CCDC33: variants seen among roughly 807,000 people sequenced by gnomAD.
The protein encoded by CCDC33 is coiled-coil domain-containing protein 33.
A neutral mutation model predicts 91.9 loss-of-function variants in CCDC33; 94 were observed. That is an observed-to-expected ratio of 1.02 (90% confidence interval 0.87 to 1.21). The LOEUF is 1.21. CCDC33 is among the 50% of genes most tolerant of loss of function. The probability of loss-of-function intolerance (pLI) is 0.00; values close to 1 mark genes in which losing one functional copy is unlikely to be tolerated. For missense variants in CCDC33, 940 were observed against 935.5 expected (o/e 1.00, Z -0.06); for synonymous variants, 396 against 374.5 (o/e 1.06, Z -0.66).
Position 74,335,059 on chromosome 15 carries a change from C to T in CCDC33, c.2110C>T (p.Pro704Ser). The T allele has an allele frequency of 6.2e-7, 1 of 1,614,008 alleles. No homozygotes were observed. Among genetic ancestry groups the T allele is most frequent in the Non-Finnish European group, 8.5e-7 (1 of 1,179,940 alleles). The change falls in exon 18 of 19, where the codon CCC becomes TCC. Residue 704 changes from proline to serine, a missense_variant. Physicochemically the swap from Pro to Ser is moderately conservative, Grantham distance 74 (BLOSUM62 -1). Transcript: ENST00000398814. The part of the protein sequence containing the change: ...LQEQEKGFRH[P>S]SNSIIIEQPS... The stretch of plus-strand genomic sequence containing the variant: ...GGAGCAAGAAAAAGGTTTCAGGCAC[C>T]CCTCGAACTCCATCATCATAGAACA...
intron 11 of CCDC33, chr15:74,301,449 G>C (rs1292501437): frequency 6.6e-6 from 1 of 152,322 alleles, no homozygotes; most frequent in Non-Finnish European, 1.5e-5. Flanking sequence ...TCAGCTCTGA[G>C]AATTCCCCAG....
At chr15:74,310,655 C>A (rs1406157650) in intron 11 of CCDC33, among the ~76,000 whole-genome samples, 1 of 152,192 alleles carries the variant, frequency 6.6e-6, no homozygotes, top group Non-Finnish European at 1.5e-5. Flanking sequence ...AGAGTGCTGC[C>A]CCCAGGAAGC....
chr15:74,208,659 G>T, intron 1 of CCDC33: 1 of 961,120 alleles, frequency 1.0e-6, no homozygotes, highest in Non-Finnish European at 1.2e-6. Flanking sequence ...CATCAGAATT[G>T]CTCCAGCCCA....
In CCDC33 at chr15:74,284,842, G is replaced by T. The variant is rs557901186; in HGVS notation, c.1095+2993G>T. On this transcript the variant is annotated intron_variant, in intron 10 of 18. Transcript: ENST00000398814. ...TATTGTTGCGCCTAAGGTGTTGCCT[G>T]CAACTTCATCATGGAAGGTACCTGG... Among the ~76,000 whole-genome samples, 3 of 152,360 alleles carry T rather than the reference G, an allele frequency of 2.0e-5. No individual in the cohort carries two copies. The South Asian group carries it at 6.2e-4, about 32-fold the overall frequency.
At chr15:74,330,487 C>A in intron 12 of CCDC33, 133 bp downstream of exon 12, 1 of 1,159,260 alleles carries the variant, frequency 8.6e-7, no homozygotes, top group Non-Finnish European at 1.2e-6. Context: ...AGCCCCTCGC[C>A]CACAGACACT....
At chr15:74,252,828 G>GC (rs1205668355) in intron 2 of CCDC33, among the ~76,000 whole-genome samples, 2 of 152,088 alleles carry the variant, frequency 1.3e-5, no homozygotes, top group Non-Finnish European at 2.9e-5. Context: ...ACCCACACCT[G>GC]CCCCCCATGA....
At chr15:74,307,907 A>T (rs1218992640) in intron 11 of CCDC33, among the ~76,000 whole-genome samples, 1 of 67,790 alleles carries the variant, frequency 1.5e-5, no homozygotes, top group Non-Finnish European at 3.4e-5. Flanking sequence ...AACCCCACCC[A>T]TCCCCTTTTC....
chr15:74,263,465 G>A (rs188380244), intron 3 of CCDC33, among the ~76,000 whole-genome samples: 1 of 152,314 alleles, frequency 6.6e-6, no homozygotes, highest in Non-Finnish European at 1.5e-5. Context: ...CTCACACAGA[G>A]CAGAAAGCCA....
rs767532552 is a variant in CCDC33 at position 74,271,769 on chromosome 15, G to T, written c.613G>T (p.Val205Phe). The T allele has an allele frequency of 1.9e-6, 3 of 1,613,938 alleles. No individual in the cohort carries two copies. The highest frequency in any genetic ancestry group is 2.2e-5 in the East Asian group (1 of 44,860). The change falls in exon 6 of 19, where the codon GTC (valine) becomes TTC (phenylalanine). Residue 205 changes from valine to phenylalanine, a missense_variant. Coordinates refer to ENST00000398814, the MANE Select transcript of CCDC33 (RefSeq NM_025055.5). ...NPNPIVVIAR[V>F]VPNYKEFKVS... ...CAACCCCATAGTGGTGATTGCCCGG[G>T]TCGTTCCCAACTACAAGGAATTTAA...
At chr15:74,234,753 G>T (rs1050867004), upstream of CCDC33, among the ~76,000 whole-genome samples, 1 of 152,238 alleles carries the variant, frequency 6.6e-6, no homozygotes, top group Admixed American at 6.5e-5. Context: ...AGAGCCCCGA[G>T]CCCCGGGGAC....
intron 10 of CCDC33, among the ~76,000 whole-genome samples, chr15:74,283,801 C>CACACACACACAA (rs1383184929): frequency 1.3e-5 from 2 of 151,938 alleles, no homozygotes; most frequent in Non-Finnish European, 1.5e-5. Context: ...AATTCACACA[C>CACACACACACAA]ACACACACAC....
At chr15:74,291,456 A>G (rs1264835591) in intron 10 of CCDC33, among the ~76,000 whole-genome samples, 1 of 152,250 alleles carries the variant, frequency 6.6e-6, no homozygotes, top group African/African-American at 2.4e-5. Context: ...ATACCTAATG[A>G]GCGGGATACA....
At chr15:74,333,014 C>T (rs1438594309) in intron 16 of CCDC33, 169 bp downstream of exon 16, 13 of 807,164 alleles carry the variant, frequency 1.6e-5, no homozygotes, top group Middle Eastern at 3.7e-4. Context: ...TTTTCTCCTG[C>T]GGAATGTGTG....
intron 16 of CCDC33, chr15:74,333,293 T>G (rs2060481814): frequency 6.3e-7 from 1 of 1,597,602 alleles, no homozygotes; most frequent in African/African-American, 1.3e-5. Flanking sequence ...CCCAGGCCAC[T>G]CAGAGTGCAC....
intron 7 of CCDC33, 107 bp from the exon 8 acceptor site, chr15:74,279,856 G>A (rs1398812354): frequency 2.9e-5 from 42 of 1,463,988 alleles, no homozygotes; most frequent in Non-Finnish European, 3.5e-5. Context: ...TTATAGTTGG[G>A]AGAAACATTT....
chr15:74,317,006 A>T (rs1371251304), intron 11 of CCDC33, among the ~76,000 whole-genome samples: 1 of 152,122 alleles, frequency 6.6e-6, no homozygotes. Context: ...GAGTATGGGG[A>T]TTGTCTTGTG....
At chr15:74,255,764 C>T (rs755208265) in intron 2 of CCDC33, among the ~76,000 whole-genome samples, 1 of 152,242 alleles carries the variant, frequency 6.6e-6, no homozygotes, top group Non-Finnish European at 1.5e-5. Context: ...AGCCCAGTTC[C>T]CCCACTTTCC....
intron 18 of CCDC33, chr15:74,335,297 C>T (rs916443201): frequency 4.8e-6 from 3 of 625,180 alleles, no homozygotes; most frequent in African/African-American, 3.7e-5. Flanking sequence ...ACAGAAAACC[C>T]CTGCCAAAAC....
chr15:74,260,872 A>G (rs2076005419), intron 2 of CCDC33, among the ~76,000 whole-genome samples: 1 of 152,242 alleles, frequency 6.6e-6, no homozygotes, highest in African/African-American at 2.4e-5. Flanking sequence ...TTATATTTTA[A>G]TAATTTAAGG....
Sources: allele counts gnomAD v4.1 joint callset (sites outside exome capture counted in the v4.1 genomes callset), GRCh38; gene constraint gnomAD v4.1.1; transcripts MANE v1.5; gene names NCBI Gene and HGNC (gene_info 2026-07-23, HGNC 2026-07-21).